BPHL: variants seen among roughly 807,000 people sequenced by gnomAD.
The protein encoded by BPHL is biphenyl hydrolase like, also known as serine hydrolase BPHL.
A neutral mutation model predicts 31.2 loss-of-function variants in BPHL; 27 were observed. The observed-to-expected ratio is 0.87, with a 90% confidence interval of 0.64 to 1.19. BPHL has a LOEUF of 1.19. Ranked by LOEUF, BPHL falls within the 50% of genes most tolerant of loss-of-function variation. The pLI, the probability that BPHL is intolerant of heterozygous loss-of-function variation, is 0.00. For missense variants in BPHL, 356 were observed against 375.7 expected, an observed-to-expected ratio of 0.95 and a Z score of 0.43; for synonymous variants, 150 against 146.8, an observed-to-expected ratio of 1.02 and a Z score of -0.16.
At chr6:3,123,621 CT>C in intron 1 of BPHL, 35 bp from the exon 2 acceptor site, 1 of 1,578,516 alleles carries the variant, frequency 6.3e-7, no homozygotes, top group Non-Finnish European at 8.7e-7. Flanking sequence ...CCCATCTCCC[CT>C]TTCCCCCTGT....
At position 3,144,888 on chromosome 6, in the gene BPHL, C is replaced by T. The variant is rs146921549; in HGVS notation, c.788+4379C>T. 1.3e-3 allele frequency among the ~76,000 whole-genome samples: 205 copies of T among 152,304 alleles called. 1 individual carries two copies. Among genetic ancestry groups the T allele is most frequent in the African/African-American group, 4.6e-3 (193 of 41,576 alleles). On this transcript the variant is annotated intron_variant, in intron 6 of 6. Transcript: ENST00000380379. ...CTGGGGTCACCAGTGCAGGACCAGC[C>T]GCGTATTCTGAGCCCAGGCCTGAGG...
At chr6:3,126,374 A>C (rs2113749287) in intron 2 of BPHL, among the ~76,000 whole-genome samples, 1 of 152,342 alleles carries the variant, frequency 6.6e-6, no homozygotes, top group South Asian at 2.1e-4. Context: ...TTTAAGAAGA[A>C]TAGATAACCC....
chr6:3,146,751 G>A lies in BPHL; in HGVS notation c.789-5737G>A, dbSNP rs1456344479. ...GAGTGCTGGTTTGGGTCGGAGTGCT[G>A]GTTTGGGTCAGAGTGCTGGTTTGGG... On this transcript the variant is annotated intron_variant, in intron 6 of 6. Transcript: ENST00000380379. 9.0e-4 allele frequency among the ~76,000 whole-genome samples: 133 copies of A among 147,966 alleles called. 1 individual carries two copies. Among genetic ancestry groups the A allele is most frequent in the African/African-American group, 3.2e-3 (126 of 39,654 alleles).
chr6:3,139,563 G>GC (rs1271694841), intron 5 of BPHL: 1 of 152,246 alleles, frequency 6.6e-6, no homozygotes, highest in African/African-American at 2.4e-5. Flanking sequence ...GGGGAGCACT[G>GC]CCCCGTCGGG....
Position 3,140,053 on chromosome 6 carries a change from C to T in BPHL, c.665-333C>T, listed in dbSNP as rs1762128888. 1 of 295,604 alleles carries T rather than the reference C, an allele frequency of 3.4e-6. No homozygotes were observed. Among genetic ancestry groups the T allele is most frequent in the African/African-American group, 2.2e-5 (1 of 45,532 alleles). The allele number at this position is 295,604 out of a possible 1,614,324, so 18.3% of individuals were successfully genotyped here. ...AGCTCTACAGGTGTCAAGCACCTAC[C>T]ACTGTTTTCACGGTGGGAACCGCCA... On this transcript the variant is annotated intron_variant, in intron 5 of 6. Coordinates refer to ENST00000380379, the MANE Select transcript of BPHL (RefSeq NM_004332.4). This position sits in a 1 kb window ranked among gnomAD's most constrained non-coding sequence, Gnocchi z 5.2.
intron 2 of BPHL, 126 bp from the exon 3 acceptor site, chr6:3,127,116 G>A (rs753726157): frequency 1.6e-5 from 10 of 616,666 alleles, no homozygotes; most frequent in Non-Finnish European, 2.4e-5. Context: ...CTGCTTTCCT[G>A]ATTACATTCT....
chr6:3,147,080 G>A (rs1762405371), intron 6 of BPHL, among the ~76,000 whole-genome samples: 1 of 152,114 alleles, frequency 6.6e-6, no homozygotes, highest in Non-Finnish European at 1.5e-5. Context: ...TGGGCAACAT[G>A]CTGAAACCTC....
intron 6 of BPHL, among the ~76,000 whole-genome samples, chr6:3,150,584 G>A (rs1489137761): frequency 3.9e-5 from 6 of 152,200 alleles, no homozygotes; most frequent in Non-Finnish European, 8.8e-5. Context: ...GCAGTTGGGG[G>A]TTTCCTACTA....
chr6:3,149,757 G>C lies in BPHL; in HGVS notation c.789-2731G>C, dbSNP rs2113780239. ...AAGTGATTCTGCCTCAGCCTCCCGA[G>C]TAGCTGGGATTATAGGCGCGCATCA... On this transcript the variant is annotated intron_variant, in intron 6 of 6. Transcript: ENST00000380379. The surrounding 1 kb of genome is among the most constrained non-coding windows in gnomAD (Gnocchi z 4.6). 6.6e-6 allele frequency among the ~76,000 whole-genome samples: 1 copy of C among 152,238 alleles called. No individual in the cohort carries two copies. Among genetic ancestry groups the C allele is most frequent in the African/African-American group, 2.4e-5 (1 of 41,536 alleles).
chr6:3,118,593 T>G, upstream of BPHL: 2 of 535,784 alleles, frequency 3.7e-6, no homozygotes, highest in South Asian at 2.0e-4. Flanking sequence ...CGGCAGGGCG[T>G]GGCTTCGGGG....
At chr6:3,125,509 GT>G (rs1281671565) in intron 2 of BPHL, among the ~76,000 whole-genome samples, 4 of 149,552 alleles carry the variant, frequency 2.7e-5, no homozygotes, top group African/African-American at 1.0e-4. Context: ...TTCCTTAAAT[GT>G]TTTTTTAAGT....
At chr6:3,119,520 A>C in intron 1 of BPHL, 1 of 1,614,036 alleles carries the variant, frequency 6.2e-7, no homozygotes, top group Non-Finnish European at 8.5e-7. Context: ...CAGGTAAAAC[A>C]ATAACAAAAA....
Position 3,134,841 on chromosome 6 carries a change from A to T in BPHL, c.533-2521A>T, listed in dbSNP as rs539282315. ...ATGGTCTCGATCTCCTGACCTCGTGATCCGCCTGCCTCGGCCTCCCAAAGT... is the reference window on the plus strand; with the variant it reads ...ATGGTCTCGATCTCCTGACCTCGTGTTCCGCCTGCCTCGGCCTCCCAAAGT... On this transcript the variant is annotated intron_variant, in intron 4 of 6. Transcript: ENST00000380379. Among the ~76,000 whole-genome samples, 451 of 151,898 alleles carry T rather than the reference A, an allele frequency of 3.0e-3. 1 individual carries two copies. Among genetic ancestry groups the T allele is most frequent in the African/African-American group, 0.01 (420 of 41,408 alleles).
intron 1 of BPHL, among the ~76,000 whole-genome samples, chr6:3,120,595 G>T (rs1761542713): frequency 6.6e-6 from 1 of 152,132 alleles, no homozygotes; most frequent in African/African-American, 2.4e-5. Context: ...CTTCAGAATA[G>T]CCAGTGCCCA....
At chr6:3,152,149 G>T (rs1234480322) in intron 6 of BPHL, among the ~76,000 whole-genome samples, 1 of 152,070 alleles carries the variant, frequency 6.6e-6, no homozygotes, top group African/African-American at 2.4e-5. Context: ...CATTAAAATG[G>T]ATTTTTCTAG....
In BPHL at chr6:3,140,232, G is replaced by A. The variant is rs1223687367; in HGVS notation, c.665-154G>A. ...AGGGAACCCAAAGAATGTTAGAGCTGGAAGGAATCCCAGGCACGGTCAAAT... is the reference window on the plus strand; with the variant it reads ...AGGGAACCCAAAGAATGTTAGAGCTAGAAGGAATCCCAGGCACGGTCAAAT... On this transcript the variant is annotated intron_variant, in intron 5 of 6. Coordinates refer to ENST00000380379, the MANE Select transcript of BPHL (RefSeq NM_004332.4). The surrounding 1 kb of genome is among the most constrained non-coding windows in gnomAD (Gnocchi z 5.2). The A allele has an allele frequency of 3.3e-6, 3 of 902,074 alleles. No homozygotes were observed. Among genetic ancestry groups the A allele is most frequent in the Non-Finnish European group, 4.9e-6 (3 of 612,260 alleles). 55.9% of individuals were successfully genotyped at this position (902,074 alleles called of 1,614,324 possible).
intron 3 of BPHL, among the ~76,000 whole-genome samples, chr6:3,127,785 T>G (rs1472029839): frequency 6.6e-6 from 1 of 152,206 alleles, no homozygotes; most frequent in Non-Finnish European, 1.5e-5. Flanking sequence ...CACATATTAT[T>G]CCATTGTATG....
chr6:3,132,067 C>A (rs1020281870), intron 4 of BPHL, among the ~76,000 whole-genome samples: 2 of 152,138 alleles, frequency 1.3e-5, no homozygotes, highest in Non-Finnish European at 2.9e-5. Context: ...AAGAGTCTCT[C>A]AGTAGCGCAG....
chr6:3,118,582 C>T, upstream of BPHL: 1 of 499,910 alleles, frequency 2.0e-6, no homozygotes, highest in East Asian at 3.5e-5. Flanking sequence ...GGGAAAGCAC[C>T]CGGCAGGGCG....
Sources: gnomAD v4.1 joint callset for allele counts (sites outside exome capture counted in the v4.1 genomes callset) on GRCh38, gnomAD v4.1.1 for gene constraint, Gnocchi (gnomAD v3.1) non-coding constraint, MANE v1.5 for transcripts, NCBI Gene and HGNC (gene_info 2026-07-23, HGNC 2026-07-21) for gene names.